Variants in CSTB observed in about 807,000 individuals in gnomAD.
The protein encoded by CSTB is cystatin B.
In CSTB, 8 loss-of-function variants were observed where a neutral mutation model predicts 7.6. The ratio of observed to expected loss-of-function variants is 1.05; its 90% confidence interval spans 0.62 to 1.89. The LOEUF (loss-of-function observed/expected upper bound fraction) is 1.89. Among genes scored for constraint, CSTB ranks in the 40% most tolerant of loss-of-function variants. The probability of loss-of-function intolerance (pLI) is 0.00; values close to 1 mark genes in which losing one functional copy is unlikely to be tolerated. For synonymous variants in CSTB, 56 were observed against 55.3 expected (o/e 1.01, Z -0.06); for missense variants, 124 against 126.4 (o/e 0.98, Z 0.09).
At chr21:43,776,085 C>G in intron 1 of CSTB, 119 bp downstream of exon 1, 2 of 955,594 alleles carry the variant, frequency 2.1e-6, no homozygotes, top group Non-Finnish European at 3.0e-6. Flanking sequence ...GGCCACAGCC[C>G]GGGCCAGCCC....
chr21:43,774,776 G>C lies in CSTB; in HGVS notation c.67-17C>G. 6.3e-7 allele frequency: 1 copy of C among 1,588,796 alleles called. No homozygotes were observed. The highest frequency in any genetic ancestry group is 1.3e-5 in the African/African-American group (1 of 74,576). The stretch of plus-strand genomic sequence containing the variant: ...GGACCTCACCTAGACAGAAGGGACA[G>C]AATGAGGATGTCTCAGTGGCTTCTT... On this transcript the variant is annotated splice_polypyrimidine_tract_variant and intron_variant, in intron 1 of 2. Coordinates refer to ENST00000291568, the MANE Select transcript of CSTB (RefSeq NM_000100.4).
Position 43,773,950 on chromosome 21 carries a change from T to C in CSTB, c.*252A>G. 1 of 518,534 alleles carries C rather than the reference T, an allele frequency of 1.9e-6. No homozygotes were observed. Among genetic ancestry groups the C allele is most frequent in the Middle Eastern group, 2.9e-4 (1 of 3,458 alleles). 32.1% of individuals were successfully genotyped at this position (518,534 alleles called of 1,614,324 possible). A position where few individuals can be genotyped will look rare whatever the true frequency, so the allele number is the denominator to read the frequency against. On this transcript the variant is annotated 3_prime_UTR_variant, in exon 3 of 3. Transcript: ENST00000291568. ...AGTCTAAAACAAAGGAGGCAATCTG[T>C]AAGGATTTTAAAAATATATCTATTT... is the stretch of plus-strand genomic sequence containing the variant.
Position 43,774,754 on chromosome 21 carries a change from C to T in CSTB, c.72G>A (p.Arg24=). The T allele has an allele frequency of 6.2e-7, 1 of 1,613,382 alleles. No homozygotes were observed. The highest frequency in any genetic ancestry group is 8.5e-7 in the Non-Finnish European group (1 of 1,179,312). The stretch of plus-strand genomic sequence containing the variant: ...TGTTTTCTTTCTCTTCAAGCTGGGA[C>T]CTCACCTAGACAGAAGGGACAGAAT... ...AETQHIADQV[R]SQLEEKENKK... Residue 24 remains arginine (R), a synonymous_variant, in exon 2 of 3, where the codon AGG becomes AGA. Coordinates refer to ENST00000291568, the MANE Select transcript of CSTB (RefSeq NM_000100.4).
At chr21:43,774,782 G>A (rs201959779) in intron 1 of CSTB, 23 bp from the exon 2 acceptor site, 19 of 1,578,960 alleles carry the variant, frequency 1.2e-5, no homozygotes, top group Non-Finnish European at 1.7e-5. Flanking sequence ...GACAGAATGA[G>A]GATGTCTCAG....
At position 43,774,680 on chromosome 21, in the gene CSTB, G is replaced by T. The variant is rs754421704; in HGVS notation, c.146C>A (p.Ala49Glu). Residue 49 changes from alanine to glutamate, a missense_variant, in exon 2 of 3, where the codon GCG becomes GAG. Transcript: ENST00000291568. ...KAVSFKSQVV[A>E]GTNYFIKVHV... ...TACCTTGATGAAGTAGTTTGTCCCC[G>T]CGACCACCTGGCTCTTGAATGACAC... 5.6e-6 allele frequency: 9 copies of T among 1,614,052 alleles called. No individual in the cohort carries two copies. The highest frequency in any genetic ancestry group is 7.6e-6 in the Non-Finnish European group (9 of 1,179,936).
intron 2 of CSTB, 103 bp downstream of exon 2, chr21:43,774,555 C>T: frequency 1.7e-6 from 2 of 1,197,004 alleles, no homozygotes; most frequent in Non-Finnish European, 2.5e-6. Flanking sequence ...CAGGGGGCAG[C>T]CACAGGGCGC....
intron 2 of CSTB, 21 bp from the exon 3 acceptor site, chr21:43,774,351 G>A: frequency 6.2e-7 from 1 of 1,614,094 alleles, no homozygotes; most frequent in Non-Finnish European, 8.5e-7. Flanking sequence ...AGCGGAGTGA[G>A]CGAAGCCTCT....
chr21:43,776,105 C>T (rs2084008644), intron 1 of CSTB, 99 bp downstream of exon 1: 4 of 1,148,578 alleles, frequency 3.5e-6, no homozygotes, highest in Middle Eastern at 2.8e-4. Flanking sequence ...CAGGGGTGCG[C>T]AGCGGGGCCA....
Position 43,774,197 on chromosome 21 carries a change from C to T in CSTB, c.*5G>A, listed in dbSNP as rs1213909681. The T allele has an allele frequency of 6.2e-7, 1 of 1,614,202 alleles. No homozygotes were observed. Among genetic ancestry groups the T allele is most frequent in the Non-Finnish European group, 8.5e-7 (1 of 1,180,036 alleles). On this transcript the variant is annotated 3_prime_UTR_variant, in exon 3 of 3. Transcript: ENST00000291568. Reference sequence around the variant, plus strand: ...CTGGCTGAAGGGCCTTGTCCAAAGTCAGGATCAGAAATAGGTCAGCTCATC... The same window carrying T: ...CTGGCTGAAGGGCCTTGTCCAAAGTTAGGATCAGAAATAGGTCAGCTCATC...
At chr21:43,774,591 G>A (rs769975050) in intron 2 of CSTB, 67 bp downstream of exon 2, 19 of 1,395,870 alleles carry the variant, frequency 1.4e-5, no homozygotes, top group Admixed American at 3.4e-5. Flanking sequence ...CACACAGCCC[G>A]GGCCTGCACA....
Position 43,774,238 on chromosome 21 carries a change from G to A in CSTB, c.261C>T (p.Thr87=). 1 of 1,614,208 alleles carries A rather than the reference G, an allele frequency of 6.2e-7. No homozygotes were observed. The highest frequency in any genetic ancestry group is 1.3e-5 in the African/African-American group (1 of 75,050). ...TCAGCTCATCATGCTTGGCTTTGTT[G>A]GTCTGGTAGTTAGATAAGGTCAAGG... is the stretch of plus-strand genomic sequence containing the variant. ...NKPLTLSNYQ[T]NKAKHDELTY... is the part of the protein sequence containing the mutation. The change falls in exon 3 of 3, where the codon ACC becomes ACT. Residue 87 remains threonine, a synonymous_variant. Coordinates refer to ENST00000291568, the MANE Select transcript of CSTB (RefSeq NM_000100.4).
Position 43,776,250 on chromosome 21 carries a change from GA to G in CSTB, c.19del (p.Ser7ProfsTer17). MMCGAP[S>X]ATQPATAETQ... Reference sequence around the variant, plus strand: ...CTCGGCGGTGGCCGGCTGCGTGGCGGAGGGCGCCCCGCACATCATCTTGGCG... The same window carrying G: ...CTCGGCGGTGGCCGGCTGCGTGGCGGGGGCGCCCCGCACATCATCTTGGCG... On this transcript the variant is annotated frameshift_variant, in exon 1 of 3. Coordinates refer to ENST00000291568, the MANE Select transcript of CSTB (RefSeq NM_000100.4). LOFTEE classifies it high-confidence loss of function. The G allele has an allele frequency of 6.5e-7, 1 of 1,529,000 alleles. No homozygotes were observed. The allele number at this position is 1,529,000 out of a possible 1,614,324, so 94.7% of individuals were successfully genotyped here.
In CSTB at chr21:43,774,107, G is replaced by A. The variant is rs1336506986; in HGVS notation, c.*95C>T. The A allele has an allele frequency of 6.4e-7, 1 of 1,554,846 alleles. No individual in the cohort carries two copies. The highest frequency in any genetic ancestry group is 8.9e-7 in the Non-Finnish European group (1 of 1,127,460). ...TCCACCCCAAGGGGCACAGCCCGGA[G>A]ATGAAGCTTATTTTAGGATCACAAG... On this transcript the variant is annotated 3_prime_UTR_variant, in exon 3 of 3. Transcript: ENST00000291568.
At chr21:43,776,023 G>C (rs1448733531) in intron 1 of CSTB, 181 bp downstream of exon 1, 7 of 508,990 alleles carry the variant, frequency 1.4e-5, no homozygotes, top group Non-Finnish European at 2.3e-5. Context: ...CCCAGGCGCG[G>C]CCCCCCGCTG....
chr21:43,776,174 G>A (rs1343198506), intron 1 of CSTB, 30 bp downstream of exon 1: 3 of 1,522,456 alleles, frequency 2.0e-6, no homozygotes, highest in Non-Finnish European at 1.8e-6. Flanking sequence ...GCAGGACTCC[G>A]GGCCGGCCCC....
At position 43,776,244 on chromosome 21, in the gene CSTB, G is replaced by T. The variant is rs778785343; in HGVS notation, c.26C>A (p.Thr9Lys). The part of the protein sequence containing the change: MMCGAPSA[T>K]QPATAETQHI... The stretch of plus-strand genomic sequence containing the variant: ...CTGGGTCTCGGCGGTGGCCGGCTGC[G>T]TGGCGGAGGGCGCCCCGCACATCAT... The change falls in exon 1 of 3, where the codon ACG becomes AAG. Residue 9 changes from threonine (T) to lysine (K), a missense_variant. Physicochemically the swap from Thr to Lys is moderately conservative, Grantham distance 78. Coordinates refer to ENST00000291568, the MANE Select transcript of CSTB (RefSeq NM_000100.4). 1 of 1,528,904 alleles carries T rather than the reference G, an allele frequency of 6.5e-7. No homozygotes were observed. 94.7% of individuals were successfully genotyped at this position (1,528,904 alleles called of 1,614,324 possible). A position where few individuals can be genotyped will look rare whatever the true frequency, so the allele number is the denominator to read the frequency against.
In CSTB at chr21:43,774,770, G is replaced by A. The variant is rs1211794185; in HGVS notation, c.67-11C>T. ...AAGCTGGGACCTCACCTAGACAGAA[G>A]GGACAGAATGAGGATGTCTCAGTGG... On this transcript the variant is annotated splice_polypyrimidine_tract_variant and intron_variant, in intron 1 of 2. Coordinates refer to ENST00000291568, the MANE Select transcript of CSTB (RefSeq NM_000100.4). 1.2e-6 allele frequency: 2 copies of A among 1,604,822 alleles called. No individual in the cohort carries two copies. The highest frequency in any genetic ancestry group is 1.7e-5 in the Admixed American group (1 of 60,002).
At position 43,774,149 on chromosome 21, in the gene CSTB, C is replaced by T. The variant is rs1028951395; in HGVS notation, c.*53G>A. 45 of 1,613,320 alleles carry T rather than the reference C, an allele frequency of 2.8e-5. No homozygotes were observed. The highest frequency in any genetic ancestry group is 2.4e-4 in the African/African-American group (18 of 75,026). ...GATCACAAGTGCACGCTCTGGTAGA[C>T]GGAGGATGACTTTGTCAGTCTTCTG... On this transcript the variant is annotated 3_prime_UTR_variant, in exon 3 of 3. Coordinates refer to ENST00000291568, the MANE Select transcript of CSTB (RefSeq NM_000100.4).
intron 1 of CSTB, 183 bp downstream of exon 1, chr21:43,776,021 C>T (rs2084008107): frequency 4.0e-6 from 2 of 502,750 alleles, no homozygotes; most frequent in South Asian, 3.2e-5. Flanking sequence ...GCCCCAGGCG[C>T]GGCCCCCCGC....
Sources: gnomAD v4.1 joint callset for allele counts on GRCh38, gnomAD v4.1.1 for gene constraint, MANE v1.5 for transcripts, NCBI Gene and HGNC (gene_info 2026-07-23, HGNC 2026-07-21) for gene names.